The following PANX1 variants were observed in gnomAD, a reference collection of about 807,000 sequenced individuals.
PANX1 encodes pannexin-1.
PANX1 carries 30 observed loss-of-function variants against 38.7 expected under a neutral mutation model. The ratio of observed to expected loss-of-function variants is 0.78; its 90% CI spans 0.58 to 1.05. The LOEUF is 1.05. PANX1 is among the 50% of genes least tolerant of loss of function. PANX1 has a pLI of 0.00. For missense variants in PANX1, 551 were observed against 517.2 expected (o/e 1.07, Z -0.63); for synonymous variants, 230 against 212.2 (o/e 1.08, Z -0.73).
intron 1 of PANX1, among the ~76,000 whole-genome samples, chr11:94,137,386 T>TA (rs1170105330): frequency 6.6e-6 from 1 of 152,192 alleles, no homozygotes; most frequent in Non-Finnish European, 1.5e-5. Context: ...AACATCCCTT[T>TA]AAAAAACCAT....
intron 1 of PANX1, among the ~76,000 whole-genome samples, chr11:94,143,274 C>G (rs12270190): frequency 6.6e-6 from 1 of 152,204 alleles, no homozygotes; most frequent in East Asian, 1.9e-4. Flanking sequence ...CCCTTTAAAT[C>G]TAAGATCCCA....
At chr11:94,154,089 C>T (rs750096415) in intron 2 of PANX1, among the ~76,000 whole-genome samples, 3 of 152,164 alleles carry the variant, frequency 2.0e-5, no homozygotes, top group Non-Finnish European at 2.9e-5. Flanking sequence ...CTAGCTGATA[C>T]GTTACTGGAA....
At chr11:94,160,864 A>AT (rs1488083611) in intron 2 of PANX1, among the ~76,000 whole-genome samples, 1 of 151,898 alleles carries the variant, frequency 6.6e-6, no homozygotes, top group Non-Finnish European at 1.5e-5. Context: ...GGCTGGTACC[A>AT]TTTGTTCCTT....
Position 94,129,427 on chromosome 11 carries a change from A to T in PANX1, c.115A>T (p.Thr39Ser). 6.2e-7 allele frequency: 1 copy of T among 1,614,012 alleles called. No individual in the cohort carries two copies. The highest frequency in any genetic ancestry group is 8.5e-7 in the Non-Finnish European group (1 of 1,179,950). The change falls in exon 1 of 5, where the codon ACG (threonine) becomes TCG (serine). Residue 39 changes from threonine (T) to serine (S), a missense_variant. Transcript: ENST00000227638. Reference protein sequence around the residue: ...RLELAVDKMVTCIAVGLPLLL... With the variant: ...RLELAVDKMVSCIAVGLPLLL... ...GGAGCTGGCTGTGGACAAGATGGTC[A>T]CGTGCATTGCGGTGGGGCTGCCCCT...
At chr11:94,162,284 T>C (rs1947050830) in intron 2 of PANX1, among the ~76,000 whole-genome samples, 2 of 152,228 alleles carry the variant, frequency 1.3e-5, no homozygotes, top group African/African-American at 4.8e-5. Context: ...AGGTTTCTGC[T>C]GCCTTTTGTT....
chr11:94,154,007 C>T (rs552486385), intron 2 of PANX1, among the ~76,000 whole-genome samples: 1 of 152,298 alleles, frequency 6.6e-6, no homozygotes, highest in Non-Finnish European at 1.5e-5. Context: ...CATAGCTTCT[C>T]AGCTAGCACC....
chr11:94,170,305 A>C lies in PANX1; in HGVS notation c.322-8064A>C, dbSNP rs186490149. Among the ~76,000 whole-genome samples, 15 of 151,824 alleles carry C rather than the reference A, an allele frequency of 9.9e-5. No individual in the cohort carries two copies. The East Asian group carries it at 2.1e-3, about 21-fold the overall frequency. ...CTAGATACCTCATATAAGTGAAACCATACAATATTTGTCCTTTTGTGTCTG... is the reference window on the plus strand; with the variant it reads ...CTAGATACCTCATATAAGTGAAACCCTACAATATTTGTCCTTTTGTGTCTG... On this transcript the variant is annotated intron_variant, in intron 2 of 4. Transcript: ENST00000227638.
In PANX1 at chr11:94,179,986, A is replaced by G; in HGVS notation, c.930A>G (p.Glu310=). 6.3e-7 allele frequency: 1 copy of G among 1,595,386 alleles called. No homozygotes were observed. The highest frequency in any genetic ancestry group is 8.6e-7 in the Non-Finnish European group (1 of 1,167,926). The change falls in exon 4 of 5, where the codon GAA becomes GAG. Residue 310 remains glutamate, a synonymous_variant. Transcript: ENST00000227638. ...AGACAGATGTTCTCAAAGTGTACGAAATCCTCCCCACTTTTGATGTTCTGC... is the reference window on the plus strand; with the variant it reads ...AGACAGATGTTCTCAAAGTGTACGAGATCCTCCCCACTTTTGATGTTCTGC... ...RQKTDVLKVY[E]ILPTFDVLHF...
chr11:94,179,533 T>C, intron 3 of PANX1, 69 bp from the exon 4 acceptor site: 1 of 1,112,862 alleles, frequency 9.0e-7, no homozygotes, highest in Non-Finnish European at 1.3e-6. Flanking sequence ...TTGTTGAATG[T>C]GTATCTGCCT....
At chr11:94,165,124 G>C (rs976785887) in intron 2 of PANX1, among the ~76,000 whole-genome samples, 3 of 152,040 alleles carry the variant, frequency 2.0e-5, no homozygotes, top group African/African-American at 7.2e-5. Context: ...TTTTTATCCA[G>C]TGAGCCATTC....
At chr11:94,166,855 A>G (rs1296907917) in intron 2 of PANX1, among the ~76,000 whole-genome samples, 2 of 152,124 alleles carry the variant, frequency 1.3e-5, no homozygotes, top group African/African-American at 2.4e-5. Flanking sequence ...AGGTGTTCCC[A>G]TGGCTGGTAC....
chr11:94,149,439 ATGG>A, intron 1 of PANX1, among the ~76,000 whole-genome samples: 1 of 152,274 alleles, frequency 6.6e-6, no homozygotes, highest in South Asian at 2.1e-4. Context: ...TGTCTGTGGC[ATGG>A]ATTGCCACAG....
At position 94,129,191 on chromosome 11, in the gene PANX1, G is replaced by A. The variant is rs113788267; in HGVS notation, c.-122G>A. ...CGAGACACAAAGGCAGGCGGGATGCGGGAGCAGGCAAAGGGAAAGCGAAAG... is the reference window on the plus strand; with the variant it reads ...CGAGACACAAAGGCAGGCGGGATGCAGGAGCAGGCAAAGGGAAAGCGAAAG... On this transcript the variant is annotated 5_prime_UTR_variant, in exon 1 of 5. Transcript: ENST00000227638. 8.4e-5 allele frequency: 60 copies of A among 714,742 alleles called. 1 individual carries two copies. The highest frequency in any genetic ancestry group is 4.3e-4 in the Middle Eastern group (1 of 2,352). 44.3% of individuals were successfully genotyped at this position (714,742 alleles called of 1,614,324 possible).
At chr11:94,178,327 G>T in intron 2 of PANX1, 42 bp from the exon 3 acceptor site, 3 of 1,445,624 alleles carry the variant, frequency 2.1e-6, no homozygotes, top group South Asian at 2.3e-5. Flanking sequence ...GTTACTGCAT[G>T]GGGGGTTTGT....
rs1591499175 is a variant in PANX1, at chr11:94,129,037, G to C, written c.-276G>C. On this transcript the variant is annotated 5_prime_UTR_variant, in exon 1 of 5. Coordinates refer to ENST00000227638, the MANE Select transcript of PANX1 (RefSeq NM_015368.4). ...AATCCGAGTGCCGCGCGCGGCCCGG[G>C]GACTTGCACGGGCGTGCGGGGTGGA... The C allele has an allele frequency of 3.4e-6, 1 of 293,222 alleles. No homozygotes were observed. The highest frequency in any genetic ancestry group is 6.0e-5 in the East Asian group (1 of 16,696). 18.2% of individuals were successfully genotyped at this position (293,222 alleles called of 1,614,324 possible). A position where few individuals can be genotyped will look rare whatever the true frequency, so the allele number is the denominator to read the frequency against.
Position 94,179,914 on chromosome 11 carries a change from G to C in PANX1, c.858G>C (p.Leu286=). The stretch of plus-strand genomic sequence containing the variant: ...TCATTAACCTTGTGGTTTATGTCCT[G>C]CTGGCTCCCGTGGTTGTCTACACGC... ...LSVINLVVYV[L]LAPVVVYTLF... Residue 286 remains leucine (L), a synonymous_variant, in exon 4 of 5, where the codon CTG becomes CTC. Transcript: ENST00000227638. 1 of 1,611,996 alleles carries C rather than the reference G, an allele frequency of 6.2e-7. No individual in the cohort carries two copies. Among genetic ancestry groups the C allele is most frequent in the Non-Finnish European group, 8.5e-7 (1 of 1,178,524 alleles).
intron 2 of PANX1, chr11:94,175,769 A>G: frequency 1.0e-6 from 1 of 984,818 alleles, no homozygotes; most frequent in Non-Finnish European, 1.2e-6. Context: ...TATGCAGCCA[A>G]AATTCAGCTA....
intron 2 of PANX1, among the ~76,000 whole-genome samples, chr11:94,158,719 T>C (rs1009571105): frequency 2.0e-5 from 3 of 152,246 alleles, no homozygotes; most frequent in Non-Finnish European, 2.9e-5. Context: ...CTTCCTCTTT[T>C]CCTGATTGAA....
chr11:94,143,657 A>C (rs1217409690), intron 1 of PANX1, among the ~76,000 whole-genome samples: 4 of 152,200 alleles, frequency 2.6e-5, no homozygotes, highest in African/African-American at 9.7e-5. Flanking sequence ...TTTTTAAAGC[A>C]ACATTCAGGA....
Sources: gnomAD v4.1 joint callset for allele counts (sites outside exome capture counted in the v4.1 genomes callset) on GRCh38, gnomAD v4.1.1 for gene constraint, MANE v1.5 for transcripts, NCBI Gene and HGNC (gene_info 2026-07-23, HGNC 2026-07-21) for gene names.